The following FAT3 variants were observed in gnomAD, a reference collection of about 807,000 sequenced individuals.
FAT3 encodes protocadherin Fat 3.
FAT3 carries 95 observed loss-of-function variants against 310.2 expected under a neutral mutation model. The ratio of observed to expected loss-of-function variants is 0.31; its 90% CI spans 0.26 to 0.36. FAT3 has a LOEUF of 0.36. FAT3 is among the 10% of genes least tolerant of loss of function. The pLI, the probability that FAT3 is intolerant of heterozygous loss-of-function variation, is 1.00. For missense variants in FAT3, 5,408 were observed against 5,715.6 expected (o/e 0.95, Z 1.74); for synonymous variants, 2,314 against 2,192.9 (o/e 1.06, Z -1.54).
intron 2 of FAT3, among the ~76,000 whole-genome samples, chr11:92,495,329 A>G (rs1168801536): frequency 6.6e-6 from 1 of 152,084 alleles, no homozygotes. Flanking sequence ...GCTGGAATCC[A>G]GGTTTCTCTG....
At chr11:92,681,022 C>T (rs187757679) in intron 3 of FAT3, among the ~76,000 whole-genome samples, 1 of 152,318 alleles carries the variant, frequency 6.6e-6, no homozygotes, top group Non-Finnish European at 1.5e-5. Flanking sequence ...AATGCAAGGA[C>T]AGGAGGGCTT....
chr11:92,791,902 T>C lies in FAT3; in HGVS notation c.4612-865T>C, dbSNP rs187107428. On this transcript the variant is annotated intron_variant, in intron 8 of 27. Transcript: ENST00000525166. ...TTTGGTGAAATCAGAAAGGAGGTGC[T>C]TCAGCACTTTGAAGAAAATGACAAA... 2.7e-4 allele frequency among the ~76,000 whole-genome samples: 41 copies of C among 152,342 alleles called. No individual in the cohort carries two copies. The East Asian group carries it at 5.6e-3, about 21-fold the overall frequency.
rs1307426998 is a variant in FAT3 at position 92,800,805 on chromosome 11, C to T, written c.7792C>T (p.Pro2598Ser). The T allele has an allele frequency of 1.2e-6, 2 of 1,613,800 alleles. No individual in the cohort carries two copies. The highest frequency in any genetic ancestry group is 1.7e-6 in the Non-Finnish European group (2 of 1,179,850). The stretch of plus-strand genomic sequence containing the variant: ...TGTTGTGGATGAAAATGACAATGCT[C>T]CCCAGTTCATGACAGTGGAATATAG... ...VIVVDENDNAPQFMTVEYRAS... is the reference protein window; with the variant it reads ...VIVVDENDNASQFMTVEYRAS... The change falls in exon 10 of 28, where the codon CCC becomes TCC. Residue 2598 changes from proline to serine, a missense_variant. Physicochemically the swap from Pro to Ser is moderately conservative, Grantham distance 74. Around this residue, in one of 5 missense-constraint regions of FAT3, gnomAD observed 4,588 missense variants for 4,809.8 expected, o/e 0.95. Coordinates refer to ENST00000525166, the MANE Select transcript of FAT3 (RefSeq NM_001367949.2).
chr11:92,791,348 T>G (rs1232403231), intron 8 of FAT3, among the ~76,000 whole-genome samples: 1 of 152,152 alleles, frequency 6.6e-6, no homozygotes, highest in Non-Finnish European at 1.5e-5. Context: ...AATCCCCAAA[T>G]AGAGTTCAGC....
At chr11:92,625,367 T>C (rs1314993452) in intron 3 of FAT3, among the ~76,000 whole-genome samples, 2 of 152,180 alleles carry the variant, frequency 1.3e-5, no homozygotes, top group African/African-American at 2.4e-5. Flanking sequence ...GTCCATCTTA[T>C]ACACTGGCTG....
intron 17 of FAT3, among the ~76,000 whole-genome samples, chr11:92,838,689 G>T (rs1948465226): frequency 2.6e-5 from 4 of 152,320 alleles, no homozygotes. Flanking sequence ...GAGTCCCAGG[G>T]CTTTGTGGGT....
intron 2 of FAT3, among the ~76,000 whole-genome samples, chr11:92,384,245 C>T (rs1039008232): frequency 4.6e-5 from 7 of 152,098 alleles, no homozygotes; most frequent in African/African-American, 1.4e-4. Flanking sequence ...CACTTCATAC[C>T]ATCTCATTTT....
intron 13 of FAT3, among the ~76,000 whole-genome samples, chr11:92,827,021 A>T (rs1010762460): frequency 1.3e-5 from 2 of 152,182 alleles, no homozygotes; most frequent in African/African-American, 4.8e-5. Context: ...GACTCTTGCC[A>T]TTTGGTTTCA....
chr11:92,330,899 G>T (rs1483421223), intron 1 of FAT3, among the ~76,000 whole-genome samples: 1 of 151,352 alleles, frequency 6.6e-6, no homozygotes. Context: ...ATTGACTTTA[G>T]TTTGCAAATT....
At chr11:92,290,975 A>G (rs1946674253) in intron 1 of FAT3, among the ~76,000 whole-genome samples, 1 of 151,964 alleles carries the variant, frequency 6.6e-6, no homozygotes, top group Non-Finnish European at 1.5e-5. Flanking sequence ...GTTTGCAAAT[A>G]CATATGAGAA....
intron 2 of FAT3, among the ~76,000 whole-genome samples, chr11:92,377,180 A>C (rs1949370775): frequency 6.6e-6 from 1 of 152,232 alleles, no homozygotes; most frequent in East Asian, 1.9e-4. Context: ...CTGTAGTTTC[A>C]CAAAACATGT....
At chr11:92,650,800 T>G (rs895286917) in intron 3 of FAT3, among the ~76,000 whole-genome samples, 1 of 152,178 alleles carries the variant, frequency 6.6e-6, no homozygotes, top group Non-Finnish European at 1.5e-5. Flanking sequence ...TCCTCATTTA[T>G]GAAAGGGGGT....
intron 1 of FAT3, among the ~76,000 whole-genome samples, chr11:92,240,583 A>T (rs1864635101): frequency 6.6e-6 from 1 of 151,662 alleles, no homozygotes; most frequent in African/African-American, 2.4e-5. Context: ...CCCCAAAAAA[A>T]AAAAACCCAA....
Position 92,754,431 on chromosome 11 carries a change from C to G in FAT3, c.3670-7425C>G, listed in dbSNP as rs187125390. On this transcript the variant is annotated intron_variant, in intron 4 of 27. Transcript: ENST00000525166. ...ACGAGGTCAGGAGATCGAGACCATC[C>G]TGGCTAACACAGTGAAACCCCGTCT... 8.6e-3 allele frequency among the ~76,000 whole-genome samples: 1,297 copies of G among 151,580 alleles called. 28 individuals are homozygous for G. The highest frequency in any genetic ancestry group is 0.03 in the African/African-American group (1,235 of 41,248).
At chr11:92,562,455 T>G (rs1020219381) in intron 3 of FAT3, among the ~76,000 whole-genome samples, 1 of 152,232 alleles carries the variant, frequency 6.6e-6, no homozygotes, top group Non-Finnish European at 1.5e-5. Context: ...AGCCTCAGTC[T>G]TCTTACCTGT....
intron 3 of FAT3, among the ~76,000 whole-genome samples, chr11:92,552,760 A>G (rs914413524): frequency 6.8e-6 from 1 of 147,874 alleles, no homozygotes; most frequent in Non-Finnish European, 1.5e-5. Flanking sequence ...CTTTCATAAT[A>G]TCTTAAAAAC....
chr11:92,448,624 A>G (rs1454321649), intron 2 of FAT3, among the ~76,000 whole-genome samples: 1 of 152,152 alleles, frequency 6.6e-6, no homozygotes, highest in Non-Finnish European at 1.5e-5. Context: ...TCAGGATTCA[A>G]ATAGCATTTC....
intron 4 of FAT3, among the ~76,000 whole-genome samples, chr11:92,705,171 C>T (rs1170256567): frequency 6.6e-6 from 1 of 152,210 alleles, no homozygotes; most frequent in Non-Finnish European, 1.5e-5. Context: ...TGCCCAGGAA[C>T]AAACCCCTCC....
At chr11:92,483,193 A>C (rs1952282078) in intron 2 of FAT3, among the ~76,000 whole-genome samples, 1 of 152,188 alleles carries the variant, frequency 6.6e-6, no homozygotes, top group African/African-American at 2.4e-5. Context: ...CAGTATTTGC[A>C]CAGGCCCTGG....
Sources: gnomAD v4.1 joint callset for allele counts (sites outside exome capture counted in the v4.1 genomes callset) on GRCh38, gnomAD v4.1.1 for gene constraint, gnomAD v4.1.1 regional missense constraint, MANE v1.5 for transcripts, NCBI Gene and HGNC (gene_info 2026-07-23, HGNC 2026-07-21) for gene names.